Variants in PSIP1 observed in about 807,000 individuals in gnomAD.
The protein encoded by PSIP1 is PC4 and SRSF1 interacting protein 1.
PSIP1 carries 19 observed loss-of-function variants against 74.7 expected under a neutral mutation model. The observed-to-expected ratio is 0.25, with a 90% CI of 0.18 to 0.37. The LOEUF (loss-of-function observed/expected upper bound fraction) is 0.37. Among genes scored for constraint, PSIP1 ranks in the 10% least tolerant of loss-of-function variants. The pLI is 1.00. For synonymous variants in PSIP1, 222 were observed against 195.3 expected (o/e 1.14, Z -1.14); for missense variants, 601 against 614.3 (o/e 0.98, Z 0.23).
chr9:15,494,180 T>C (rs1364136594), intron 3 of PSIP1, among the ~76,000 whole-genome samples: 1 of 152,196 alleles, frequency 6.6e-6, no homozygotes, highest in Non-Finnish European at 1.5e-5. Context: ...TAAAATTCTT[T>C]AAGAATTAGG....
At chr9:15,471,259 T>C in intron 10 of PSIP1, 1 of 1,589,138 alleles carries the variant, frequency 6.3e-7, no homozygotes, top group Non-Finnish European at 8.6e-7. Context: ...TAAACTTTAT[T>C]TTGCATAATG....
chr9:15,471,970 G>C (rs1661793594), intron 10 of PSIP1: 1 of 974,398 alleles, frequency 1.0e-6, no homozygotes, highest in Non-Finnish European at 1.2e-6. Context: ...AACTAGGAAA[G>C]CAAATGTAAT....
At chr9:15,485,403 T>C (rs2036517180) in intron 6 of PSIP1, among the ~76,000 whole-genome samples, 1 of 152,222 alleles carries the variant, frequency 6.6e-6, no homozygotes, top group Non-Finnish European at 1.5e-5. Flanking sequence ...TAATTATTTA[T>C]TTTCATAGTT....
chr9:15,480,698 G>A (rs1306103942), intron 6 of PSIP1, among the ~76,000 whole-genome samples: 1 of 152,238 alleles, frequency 6.6e-6, no homozygotes, highest in Non-Finnish European at 1.5e-5. Context: ...AAGGTGAGTG[G>A]ATCACTTGAG....
At chr9:15,465,937 A>G (rs1386170677) in intron 15 of PSIP1, 10 of 190,794 alleles carry the variant, frequency 5.2e-5, no homozygotes, top group Non-Finnish European at 9.6e-5. Context: ...CTTAATAAAA[A>G]GAGAGGTTGA....
At chr9:15,509,638 G>T (rs1047349368) in intron 2 of PSIP1, among the ~76,000 whole-genome samples, 8 of 152,150 alleles carry the variant, frequency 5.3e-5, no homozygotes, top group Non-Finnish European at 1.0e-4. Flanking sequence ...AATCCAGAAG[G>T]CCTCATCAAG....
chr9:15,482,801 C>G (rs531057293), intron 6 of PSIP1, among the ~76,000 whole-genome samples: 1 of 152,200 alleles, frequency 6.6e-6, no homozygotes, highest in African/African-American at 2.4e-5. Flanking sequence ...TTAAAAAGCA[C>G]AGTGTAACTT....
At chr9:15,479,524 C>A in intron 7 of PSIP1, 67 bp downstream of exon 7, 1 of 1,266,120 alleles carries the variant, frequency 7.9e-7, no homozygotes, top group Admixed American at 2.3e-5. Flanking sequence ...TTTGAGGCAG[C>A]AACACTTTAA....
Position 15,478,557 on chromosome 9 carries a change from T to C in PSIP1, c.554-5A>G. 3.2e-6 allele frequency: 5 copies of C among 1,580,430 alleles called. No homozygotes were observed. The highest frequency in any genetic ancestry group is 2.2e-5 in the South Asian group (2 of 90,090). On this transcript the variant is annotated splice_region_variant and splice_polypyrimidine_tract_variant and intron_variant, in intron 7 of 15. Coordinates refer to ENST00000380733, the MANE Select transcript of PSIP1 (RefSeq NM_033222.5). Reference sequence around the variant, plus strand: ...TTGGAATCTTGACTTCTGTAGCTAATATACACATGGAAAAAAAATCAGTAA... The same window carrying C: ...TTGGAATCTTGACTTCTGTAGCTAACATACACATGGAAAAAAAATCAGTAA...
intron 6 of PSIP1, 51 bp from the exon 7 acceptor site, chr9:15,479,738 A>G: frequency 6.8e-7 from 1 of 1,460,012 alleles, no homozygotes; most frequent in Non-Finnish European, 9.5e-7. Context: ...AGGCACTCAA[A>G]GTTTAATTCG....
At chr9:15,465,687 A>G (rs2035576352) in intron 15 of PSIP1, 107 bp from the exon 16 acceptor site, 2 of 879,584 alleles carry the variant, frequency 2.3e-6, no homozygotes, top group African/African-American at 3.5e-5. Context: ...AAAGACTGAA[A>G]CCAACCAAAC....
At chr9:15,509,176 G>A (rs1393475727) in intron 2 of PSIP1, among the ~76,000 whole-genome samples, 1 of 152,116 alleles carries the variant, frequency 6.6e-6, no homozygotes, top group African/African-American at 2.4e-5. Flanking sequence ...ATTTTCAAAG[G>A]ACAGTAAATT....
chr9:15,481,048 T>C lies in PSIP1; in HGVS notation c.457-1361A>G, dbSNP rs114476599. Among the ~76,000 whole-genome samples, 1,292 of 152,368 alleles carry C rather than the reference T, an allele frequency of 8.5e-3. 18 individuals are homozygous for C. The highest frequency in any genetic ancestry group is 0.029 in the African/African-American group (1,221 of 41,584). On this transcript the variant is annotated intron_variant, in intron 6 of 15. Coordinates refer to ENST00000380733, the MANE Select transcript of PSIP1 (RefSeq NM_033222.5). ...ATAATGAAGCATATTAAAAGTATTATTAAAACTCATCTAAGGTAACCCTTG... is the reference window on the plus strand; with the variant it reads ...ATAATGAAGCATATTAAAAGTATTACTAAAACTCATCTAAGGTAACCCTTG...
rs1563870473 is a variant in PSIP1 at position 15,473,931 on chromosome 9, AAAAAAACAAAG to A, written c.858+67_858+77del. ...AAAAAAAAACAAAAAAAAAAACAAA[AAAAAAACAAAG>A]AAAAAACAAAAAATATATATATAAA... On this transcript the variant is annotated intron_variant, in intron 9 of 15. Transcript: ENST00000380733. 75 of 916,026 alleles carry A rather than the reference AAAAAAACAAAG, an allele frequency of 8.2e-5. No individual in the cohort carries two copies. The African/African-American group carries it at 1.6e-3, about 19-fold the overall frequency. The allele number at this position is 916,026 out of a possible 1,614,324, so 56.7% of individuals were successfully genotyped here. A position where few individuals can be genotyped will look rare whatever the true frequency, so the allele number is the denominator to read the frequency against.
chr9:15,469,317 T>C lies in PSIP1; in HGVS notation c.1053A>G (p.Arg351=), dbSNP rs149613407. The C allele has an allele frequency of 3.8e-6, 6 of 1,570,702 alleles. No homozygotes were observed. In the African/African-American group the frequency reaches 8.2e-5, roughly 22 times the overall value. ...TAATCTCAGCATGTATCCTTTGAAG[T>C]CGAGAATCCATTGATGTTTCTACAA... The part of the protein sequence containing the change: ...EKKRETSMDS[R]LQRIHAEIKN... The change falls in exon 12 of 16, where the codon CGA becomes CGG. Residue 351 remains arginine, a synonymous_variant. Transcript: ENST00000380733.
chr9:15,497,187 C>T (rs2037114321), intron 3 of PSIP1, among the ~76,000 whole-genome samples: 1 of 148,956 alleles, frequency 6.7e-6, no homozygotes, highest in Non-Finnish European at 1.5e-5. Flanking sequence ...TATGGTAAAT[C>T]AATATAATGG....
chr9:15,496,042 C>A (rs969233454), intron 3 of PSIP1, among the ~76,000 whole-genome samples: 1 of 152,172 alleles, frequency 6.6e-6, no homozygotes, highest in Non-Finnish European at 1.5e-5. Context: ...CAGAGGCCAA[C>A]TATACATCCG....
At chr9:15,479,812 T>A in intron 6 of PSIP1, 125 bp from the exon 7 acceptor site, 2 of 530,958 alleles carry the variant, frequency 3.8e-6, no homozygotes, top group South Asian at 7.6e-5. Flanking sequence ...CTCTATATGA[T>A]CTTTTGTTTT....
intron 2 of PSIP1, among the ~76,000 whole-genome samples, chr9:15,509,408 C>T (rs1586876699): frequency 6.6e-6 from 1 of 152,186 alleles, no homozygotes; most frequent in African/African-American, 2.4e-5. Flanking sequence ...CACAAAACAT[C>T]CTGGGTCCTT....
Sources: allele counts gnomAD v4.1 joint callset (sites outside exome capture counted in the v4.1 genomes callset), GRCh38; gene constraint gnomAD v4.1.1; transcripts MANE v1.5; gene names NCBI Gene and HGNC (gene_info 2026-07-23, HGNC 2026-07-21).